XRN1: variants seen among roughly 807,000 people sequenced by gnomAD.
XRN1 encodes strand-exchange protein 1 homolog.
In XRN1, 67 loss-of-function variants were observed where a neutral mutation model predicts 222.3. That is an observed-to-expected ratio of 0.30 (90% confidence interval 0.25 to 0.37). The LOEUF (loss-of-function observed/expected upper bound fraction) is 0.37. Ranked by LOEUF, XRN1 falls within the 10% of genes least tolerant of loss-of-function variation. The probability of loss-of-function intolerance (pLI) is 1.00; values close to 1 mark genes in which losing one functional copy is unlikely to be tolerated. For synonymous variants in XRN1, 643 were observed against 652.4 expected (o/e 0.99, Z 0.22); for missense variants, 1,707 against 2,000.2 (o/e 0.85, Z 2.80).
intron 19 of XRN1, among the ~76,000 whole-genome samples, chr3:142,398,273 C>T (rs1344899317): frequency 6.6e-6 from 1 of 151,700 alleles, no homozygotes; most frequent in Non-Finnish European, 1.5e-5. Flanking sequence ...AATTTAAAAG[C>T]ATATTTTTTT....
chr3:142,431,686 G>A lies in XRN1; in HGVS notation c.308+975C>T, dbSNP rs544495453. Among the ~76,000 whole-genome samples the A allele has an allele frequency of 1.9e-3, 277 of 148,636 alleles. 1 individual carries two copies. The highest frequency in any genetic ancestry group is 6.1e-3 in the African/African-American group (246 of 40,270). ...ACAAAAATTAGCTGGGTGTGGTGGC[G>A]GGCACCTGTAATCACAGCTACTTGG... On this transcript the variant is annotated intron_variant, in intron 2 of 40. Transcript: ENST00000392981.
Position 142,365,222 on chromosome 3 carries a change from T to C in XRN1, c.3262-43A>G, listed in dbSNP as rs767055698. ...ATTAATTATAATAAACAAAAAAATTTTCATACTAATATACTGAAAACATCT... is the reference window on the plus strand; with the variant it reads ...ATTAATTATAATAAACAAAAAAATTCTCATACTAATATACTGAAAACATCT... On this transcript the variant is annotated intron_variant, in intron 28 of 40. Transcript: ENST00000392981. 5 of 1,583,024 alleles carry C rather than the reference T, an allele frequency of 3.2e-6. No individual in the cohort carries two copies. The Admixed American group carries it at 7.6e-5, about 24-fold the overall frequency.
chr3:142,421,220 T>G, intron 9 of XRN1, 67 bp from the exon 10 acceptor site: 1 of 1,396,696 alleles, frequency 7.2e-7, no homozygotes, highest in Non-Finnish European at 9.5e-7. Flanking sequence ...CAAATCAAAC[T>G]TAAAACAGTG....
chr3:142,314,944 G>T (rs1011361500), intron 39 of XRN1, among the ~76,000 whole-genome samples: 8 of 122,886 alleles, frequency 6.5e-5, no homozygotes, highest in Non-Finnish European at 1.0e-4. Flanking sequence ...ATCCAAGTCT[G>T]TCGTCTGTTT....
At chr3:142,405,492 C>T (rs557447753) in intron 15 of XRN1, among the ~76,000 whole-genome samples, 34 of 152,006 alleles carry the variant, frequency 2.2e-4, no homozygotes, top group Non-Finnish European at 1.5e-4. Context: ...TAATTCCAGT[C>T]AGGACATCAA....
At chr3:142,438,942 C>T (rs965096666) in intron 1 of XRN1, among the ~76,000 whole-genome samples, 1 of 151,898 alleles carries the variant, frequency 6.6e-6, no homozygotes, top group Non-Finnish European at 1.5e-5. Context: ...AACAAGGACC[C>T]CCCTTTAACC....
intron 10 of XRN1, chr3:142,420,234 T>TA (rs2068955703): frequency 6.6e-6 from 1 of 152,134 alleles, no homozygotes. Context: ...AGTCCTCCAC[T>TA]ACCATAAGTC....
chr3:142,370,451 C>A, intron 27 of XRN1, 34 bp downstream of exon 27: 1 of 1,578,344 alleles, frequency 6.3e-7, no homozygotes, highest in Non-Finnish European at 8.6e-7. Flanking sequence ...AATTCCAAAT[C>A]TCATCAATAA....
intron 25 of XRN1, 126 bp downstream of exon 25, chr3:142,375,672 C>T (rs1197772725): frequency 1.1e-6 from 1 of 931,610 alleles, no homozygotes; most frequent in Non-Finnish European, 1.5e-6. Flanking sequence ...ATTAAGTTTA[C>T]ATGTAACATA....
chr3:142,381,001 G>C (rs1293475656), intron 22 of XRN1, among the ~76,000 whole-genome samples: 2 of 88,190 alleles, frequency 2.3e-5, no homozygotes, highest in African/African-American at 7.4e-5. Flanking sequence ...TAATTTCAAA[G>C]TACCAAAAAG....
intron 23 of XRN1, among the ~76,000 whole-genome samples, chr3:142,378,287 T>A (rs1037841456): frequency 6.6e-6 from 1 of 152,240 alleles, no homozygotes; most frequent in Non-Finnish European, 1.5e-5. Context: ...GGGTTGAGAC[T>A]GTTCATTCTT....
chr3:142,445,801 G>GT (rs1360617301), intron 1 of XRN1, among the ~76,000 whole-genome samples: 1 of 152,192 alleles, frequency 6.6e-6, no homozygotes. Context: ...ACTCCTGCCT[G>GT]TTTGGTCTTT....
At chr3:142,410,232 A>G (rs1356715226) in intron 15 of XRN1, among the ~76,000 whole-genome samples, 4 of 152,138 alleles carry the variant, frequency 2.6e-5, no homozygotes, top group Admixed American at 2.0e-4. Context: ...TGTTGTTTGC[A>G]GTAAGATTTT....
At chr3:142,327,485 C>T (rs1317941623) in intron 37 of XRN1, among the ~76,000 whole-genome samples, 1 of 150,844 alleles carries the variant, frequency 6.6e-6, no homozygotes, top group Non-Finnish European at 1.5e-5. Context: ...TGGATATTCT[C>T]TCTTTTACAG....
intron 30 of XRN1, among the ~76,000 whole-genome samples, chr3:142,357,712 G>A (rs755021142): frequency 1.7e-4 from 25 of 150,958 alleles, no homozygotes; most frequent in South Asian, 2.2e-4. Context: ...ACAGGCATGA[G>A]CCACCATGCC....
At chr3:142,344,051 T>C (rs1236232459) in intron 33 of XRN1, among the ~76,000 whole-genome samples, 1 of 127,570 alleles carries the variant, frequency 7.8e-6, no homozygotes, top group African/African-American at 3.1e-5. Flanking sequence ...ACTGAACTCA[T>C]GAAAATAGAG....
chr3:142,360,002 G>A (rs1577288470), intron 29 of XRN1, 71 bp from the exon 30 acceptor site: 4 of 1,040,092 alleles, frequency 3.8e-6, no homozygotes, highest in East Asian at 2.5e-5. Context: ...TAAGTTTTTG[G>A]AGTGTTTGGA....
At position 142,335,251 on chromosome 3, in the gene XRN1, G is replaced by A. The variant is rs544339247; in HGVS notation, c.3939+197C>T. On this transcript the variant is annotated intron_variant, in intron 34 of 40. Coordinates refer to ENST00000392981, the MANE Select transcript of XRN1 (RefSeq NM_001282857.2). ...ATTAAATGAGAGAATCAGGATTTCA[G>A]GTGCCTCTAGTTCCAAATCCAGGAC... 4.7e-4 allele frequency among the ~76,000 whole-genome samples: 71 copies of A among 152,264 alleles called. 1 individual carries two copies. The South Asian group carries it at 0.015, about 31-fold the overall frequency.
chr3:142,407,007 T>C (rs562787622), intron 15 of XRN1, among the ~76,000 whole-genome samples: 1 of 152,318 alleles, frequency 6.6e-6, no homozygotes, highest in East Asian at 1.9e-4. Context: ...GGTATGAAAT[T>C]CACTCCTTGA....
Sources: allele counts gnomAD v4.1 joint callset (sites outside exome capture counted in the v4.1 genomes callset), GRCh38; gene constraint gnomAD v4.1.1; transcripts MANE v1.5; gene names NCBI Gene and HGNC (gene_info 2026-07-23, HGNC 2026-07-21).